ABR: variants seen among roughly 807,000 people sequenced by gnomAD.
The protein encoded by ABR is active breakpoint cluster region-related protein.
ABR carries 35 observed loss-of-function variants against 107.2 expected under a neutral mutation model. The ratio of observed to expected loss-of-function variants is 0.33; its 90% CI spans 0.25 to 0.43. ABR has a LOEUF of 0.43. Among genes scored for constraint, ABR ranks in the 20% least tolerant of loss-of-function variants. ABR has a pLI of 1.00. For synonymous variants in ABR, 498 were observed against 462.0 expected (o/e 1.08, Z -1.00); for missense variants, 815 against 1,115.2 (o/e 0.73, Z 3.83).
intron 4 of ABR, among the ~76,000 whole-genome samples, chr17:1,087,502 G>C (rs755160167): frequency 2.6e-5 from 4 of 152,088 alleles, no homozygotes; most frequent in African/African-American, 9.7e-5. Flanking sequence ...AGCTGCAGAA[G>C]GGCAGGACTT....
chr17:1,135,680 A>C (rs983167234), intron 1 of ABR, among the ~76,000 whole-genome samples: 11 of 152,112 alleles, frequency 7.2e-5, no homozygotes, highest in African/African-American at 2.7e-4. Flanking sequence ...GTTTGAGACC[A>C]GCCTGGTCAA....
chr17:1,007,513 T>A (rs1439043514), intron 21 of ABR, among the ~76,000 whole-genome samples: 3 of 152,226 alleles, frequency 2.0e-5, no homozygotes, highest in African/African-American at 7.2e-5. Flanking sequence ...GCCAGTGTTC[T>A]GTGCTAACAT....
chr17:1,020,464 C>T (rs765760665), intron 16 of ABR, among the ~76,000 whole-genome samples: 14 of 152,322 alleles, frequency 9.2e-5, no homozygotes, highest in African/African-American at 3.1e-4. Flanking sequence ...GAAACGCTGG[C>T]GCTGGGGGCT....
Position 1,179,567 on chromosome 17 carries a change from A to T in ABR, c.61+100T>A. On this transcript the variant is annotated intron_variant, in intron 1 of 22. Transcript: ENST00000302538. This position sits in a 1 kb window ranked among gnomAD's most constrained non-coding sequence, Gnocchi z 4.9. ...GGACCAGCCCGGTGCCTGGGTCCCG[A>T]TCCCGATCTTGGGGTCCCGATCCCG... 1.6e-6 allele frequency: 2 copies of T among 1,261,842 alleles called. No homozygotes were observed. The highest frequency in any genetic ancestry group is 1.0e-6 in the Non-Finnish European group (1 of 964,500). 78.2% of individuals were successfully genotyped at this position (1,261,842 alleles called of 1,614,324 possible).
rs144280224 is a variant in ABR, at chr17:1,010,685, C to T, written c.2236+44G>A. 8.8e-4 allele frequency: 1,401 copies of T among 1,599,818 alleles called. 13 individuals carry two copies. The African/African-American group carries it at 0.017, about 20-fold the overall frequency. On this transcript the variant is annotated intron_variant, in intron 20 of 22. Transcript: ENST00000302538. The surrounding 1 kb of genome is among the most constrained non-coding windows in gnomAD (Gnocchi z 4.1). ...TACTTCTCCGGGCAGGGAGTCCTGG[C>T]TCAGTCTGGCCCAGCCCAGTCCTAG... is the stretch of plus-strand genomic sequence containing the variant.
intron 16 of ABR, among the ~76,000 whole-genome samples, chr17:1,016,991 T>C (rs1184528432): frequency 6.6e-6 from 1 of 152,010 alleles, no homozygotes; most frequent in East Asian, 1.9e-4. Context: ...ACACACCGGC[T>C]GGGGGCAGGT....
At chr17:1,227,311 G>C (rs941067308) in intron 1 of ABR, among the ~76,000 whole-genome samples, 2 of 152,164 alleles carry the variant, frequency 1.3e-5, no homozygotes, top group African/African-American at 2.4e-5. Flanking sequence ...GGTCTGGGGG[G>C]AGACAGGATT....
chr17:1,151,554 G>A (rs980659915), intron 1 of ABR, among the ~76,000 whole-genome samples: 8 of 152,198 alleles, frequency 5.3e-5, no homozygotes, highest in Admixed American at 1.3e-4. Context: ...TCAAAGCCGC[G>A]TTCTTCCCTG....
At chr17:1,121,721 C>T (rs1015141378) in intron 2 of ABR, among the ~76,000 whole-genome samples, 2 of 150,480 alleles carry the variant, frequency 1.3e-5, no homozygotes, top group African/African-American at 2.5e-5. Context: ...GAGAGCTGCT[C>T]ACAGTGGGAT....
At chr17:1,028,256 A>AC (rs760060673) in intron 16 of ABR, among the ~76,000 whole-genome samples, 1 of 141,194 alleles carries the variant, frequency 7.1e-6, no homozygotes, top group Non-Finnish European at 1.5e-5. Flanking sequence ...ATGCCCGGCT[A>AC]TTTTTTTTTT....
chr17:1,192,308 C>T (rs1170895496), upstream of ABR, among the ~76,000 whole-genome samples: 2 of 152,070 alleles, frequency 1.3e-5, no homozygotes, highest in Non-Finnish European at 2.9e-5. Flanking sequence ...CTGAATATTC[C>T]CTGAGCCCTA....
At chr17:1,007,451 A>G in intron 21 of ABR, 139 bp from the exon 22 acceptor site, 1 of 1,037,538 alleles carries the variant, frequency 9.6e-7, no homozygotes, top group Non-Finnish European at 1.4e-6. Context: ...AGGAGTGGGG[A>G]CCTCCCCCGG....
At chr17:1,047,653 C>A (rs922910662) in intron 16 of ABR, among the ~76,000 whole-genome samples, 21 of 152,212 alleles carry the variant, frequency 1.4e-4, no homozygotes, top group Admixed American at 1.2e-3. Context: ...ATATCAACTC[C>A]CAGGCATTTA....
intron 1 of ABR, among the ~76,000 whole-genome samples, chr17:1,143,084 A>G (rs34183188): frequency 5.0e-4 from 14 of 28,066 alleles, no homozygotes; most frequent in African/African-American, 1.9e-3. Context: ...CTCCTGGGGG[A>G]CAGCTCATTC....
rs76810240 is a variant in ABR, at chr17:1,095,058, C to T, written c.346-3208G>A. Among the ~76,000 whole-genome samples the T allele has an allele frequency of 7.6e-3, 1,161 of 152,326 alleles. 8 individuals carry two copies. Among genetic ancestry groups the T allele is most frequent in the Middle Eastern group, 0.031 (9 of 294 alleles). On this transcript the variant is annotated intron_variant, in intron 3 of 22. Transcript: ENST00000302538. Reference sequence around the variant, plus strand: ...ACGCAGGACCCCACGGAGGAGCCCGCAGAGTCGCCACAGAATCCCCATACC... The same window carrying T: ...ACGCAGGACCCCACGGAGGAGCCCGTAGAGTCGCCACAGAATCCCCATACC...
At chr17:1,090,715 T>C (rs1375898291) in intron 4 of ABR, among the ~76,000 whole-genome samples, 1 of 152,138 alleles carries the variant, frequency 6.6e-6, no homozygotes, top group Non-Finnish European at 1.5e-5. Context: ...GCCCTGTCCA[T>C]TCAGCCAGAA....
intron 11 of ABR, among the ~76,000 whole-genome samples, chr17:1,058,530 C>G (rs953068831): frequency 1.8e-4 from 27 of 152,100 alleles, no homozygotes; most frequent in Non-Finnish European, 3.1e-4. Context: ...CCTGGGAAGC[C>G]AAGGTGACAG....
At chr17:1,209,173 T>C (rs898942877) in intron 1 of ABR, among the ~76,000 whole-genome samples, 4 of 152,034 alleles carry the variant, frequency 2.6e-5, no homozygotes, top group African/African-American at 9.7e-5. Flanking sequence ...CATGGGAGCC[T>C]GGAACTTACA....
intron 2 of ABR, among the ~76,000 whole-genome samples, chr17:1,112,896 G>GC (rs1439447632): frequency 8.1e-5 from 12 of 147,530 alleles, no homozygotes; most frequent in South Asian, 2.2e-4. Flanking sequence ...ATTTGTTAAC[G>GC]CCTGACCCAA....
Sources: gnomAD v4.1 joint callset for allele counts (sites outside exome capture counted in the v4.1 genomes callset) on GRCh38, gnomAD v4.1.1 for gene constraint, Gnocchi (gnomAD v3.1) non-coding constraint, MANE v1.5 for transcripts, NCBI Gene and HGNC (gene_info 2026-07-23, HGNC 2026-07-21) for gene names.